LETM1: variants seen among roughly 807,000 people sequenced by gnomAD.
LETM1 encodes the protein mitochondrial proton/calcium exchanger protein.
Under a neutral mutation model 74.5 loss-of-function variants are expected in LETM1, and 50 were observed. The ratio of observed to expected loss-of-function variants is 0.67; its 90% CI spans 0.53 to 0.85. The LOEUF is 0.85. LETM1 is among the 40% of genes least tolerant of loss of function. The pLI is 0.00. For synonymous variants in LETM1, 446 were observed against 407.1 expected (o/e 1.10, Z -1.15); for missense variants, 824 against 967.8 (o/e 0.85, Z 1.97).
chr4:1,854,713 A>C (rs1713180919), intron 1 of LETM1, among the ~76,000 whole-genome samples: 1 of 152,086 alleles, frequency 6.6e-6, no homozygotes, highest in Non-Finnish European at 1.5e-5. Flanking sequence ...GAATCACTTG[A>C]ACCCAGGAGG....
At chr4:1,841,882 C>T in intron 2 of LETM1, 85 bp from the exon 3 acceptor site, 1 of 944,442 alleles carries the variant, frequency 1.1e-6, no homozygotes, top group Non-Finnish European at 1.6e-6. Flanking sequence ...AGCAGCAAAA[C>T]CCACATGCCC....
intron 10 of LETM1, among the ~76,000 whole-genome samples, chr4:1,820,573 TG>T (rs1225962697): frequency 1.3e-5 from 2 of 152,248 alleles, no homozygotes; most frequent in African/African-American, 4.8e-5. Context: ...GAGGTGTTTC[TG>T]CAGATGCTTT....
intron 2 of LETM1, among the ~76,000 whole-genome samples, chr4:1,847,670 C>T (rs575932427): frequency 3.6e-4 from 55 of 151,896 alleles, no homozygotes; most frequent in Non-Finnish European, 6.5e-4. Context: ...ACTAAAAATG[C>T]AAAAATTAGC....
At chr4:1,818,552 G>A (rs1296432239) in intron 11 of LETM1, among the ~76,000 whole-genome samples, 2 of 152,036 alleles carry the variant, frequency 1.3e-5, no homozygotes, top group African/African-American at 2.4e-5. Context: ...GGCGGAAGTT[G>A]CAGTGAGTCG....
rs1712466021 is a variant in LETM1 at position 1,836,483 on chromosome 4, A to G, written c.684T>C (p.Ala228=). The G allele has an allele frequency of 6.2e-7, 1 of 1,614,098 alleles. No individual in the cohort carries two copies. The highest frequency in any genetic ancestry group is 1.1e-5 in the South Asian group (1 of 91,080). The change falls in exon 4 of 14, where the codon GCT becomes GCC. Residue 228 remains alanine (A), a synonymous_variant. Coordinates refer to ENST00000302787, the MANE Select transcript of LETM1 (RefSeq NM_012318.3). This position sits in a 1 kb window ranked among gnomAD's most constrained non-coding sequence, Gnocchi z 5.8. ...VPFMEFLLPV[A]VKLFPNMLPS... ...GCAACATGTTGGGGAAGAGCTTCAC[A>G]GCAACAGGCAGCAGAAACTCCATGA...
At chr4:1,853,524 A>G (rs1713139847) in intron 1 of LETM1, among the ~76,000 whole-genome samples, 1 of 152,166 alleles carries the variant, frequency 6.6e-6, no homozygotes, top group African/African-American at 2.4e-5. Flanking sequence ...AAGAAATACC[A>G]GTAGAGCAGC....
chr4:1,851,365 G>A (rs1160834381), intron 1 of LETM1, among the ~76,000 whole-genome samples: 4 of 152,134 alleles, frequency 2.6e-5, no homozygotes, highest in African/African-American at 9.7e-5. Context: ...AGCCGGCAAC[G>A]AGAGCCACCG....
intron 1 of LETM1, among the ~76,000 whole-genome samples, chr4:1,853,636 G>A (rs1266736041): frequency 6.6e-6 from 1 of 152,192 alleles, no homozygotes; most frequent in Admixed American, 6.5e-5. Flanking sequence ...GATGGGTCCT[G>A]GGACAGAAAA....
chr4:1,844,360 G>A (rs1286005758), intron 2 of LETM1, among the ~76,000 whole-genome samples: 1 of 152,226 alleles, frequency 6.6e-6, no homozygotes, highest in African/African-American at 2.4e-5. Flanking sequence ...CAAAGTCTGG[G>A]TGCTGCTTCT....
In LETM1 at chr4:1,836,905, G is replaced by C. The variant is rs1452154770; in HGVS notation, c.595-333C>G. On this transcript the variant is annotated intron_variant, in intron 3 of 13. Transcript: ENST00000302787. The surrounding 1 kb of genome is among the most constrained non-coding windows in gnomAD (Gnocchi z 5.8). ...CAGCAAGTGAGGGCTGCAGGCTGAGGACTGGGCATTACTAGCGTGGTGGAG... is the reference window on the plus strand; with the variant it reads ...CAGCAAGTGAGGGCTGCAGGCTGAGCACTGGGCATTACTAGCGTGGTGGAG... Among the ~76,000 whole-genome samples the C allele has an allele frequency of 6.6e-6, 1 of 152,138 alleles. No homozygotes were observed. Among genetic ancestry groups the C allele is most frequent in the Non-Finnish European group, 1.5e-5 (1 of 68,028 alleles).
chr4:1,822,242 G>C lies in LETM1; in HGVS notation c.1547C>G (p.Pro516Arg), dbSNP rs1356231763. 1.9e-6 allele frequency: 3 copies of C among 1,548,286 alleles called. No individual in the cohort carries two copies. Among genetic ancestry groups the C allele is most frequent in the Non-Finnish European group, 2.6e-6 (3 of 1,140,522 alleles). ...GGTCTCTGACTGCAGGACTGTGTCA[G>C]GCATTTCTGGCTGTGGCTCGGTCCC... ...RPGTEPQPEM[P>R]DTVLQSETLK... Residue 516 changes from proline (P) to arginine (R), a missense_variant, in exon 10 of 14, where the codon CCT becomes CGT. Pro to Arg is a moderately radical substitution (Grantham distance 103). Around this residue, in one of 4 missense-constraint regions of LETM1, gnomAD observed 172 missense variants for 170.7 expected, o/e 1.01. Coordinates refer to ENST00000302787, the MANE Select transcript of LETM1 (RefSeq NM_012318.3).
At chr4:1,827,792 T>A (rs1186601534) in intron 6 of LETM1, among the ~76,000 whole-genome samples, 1 of 150,420 alleles carries the variant, frequency 6.6e-6, no homozygotes, top group Non-Finnish European at 1.5e-5. Context: ...CCGTTCTCAA[T>A]GAGCTGTTGG....
intron 2 of LETM1, among the ~76,000 whole-genome samples, chr4:1,842,047 C>T (rs1577324283): frequency 6.6e-6 from 1 of 152,296 alleles, no homozygotes; most frequent in East Asian, 1.9e-4. Flanking sequence ...GCGATCCCCA[C>T]AGAAAGGCAG....
chr4:1,840,812 C>T lies in LETM1; in HGVS notation c.594+535G>A, dbSNP rs75707306. On this transcript the variant is annotated intron_variant, in intron 3 of 13. Coordinates refer to ENST00000302787, the MANE Select transcript of LETM1 (RefSeq NM_012318.3). ...AGACTGGTAGGGGGCACCTTGGGGA[C>T]AGAGCCCTCACCCTGTGGGATCTGA... is the stretch of plus-strand genomic sequence containing the variant. 6.9e-3 allele frequency among the ~76,000 whole-genome samples: 1,044 copies of T among 152,076 alleles called. 13 individuals are homozygous for T. Among genetic ancestry groups the T allele is most frequent in the African/African-American group, 0.024 (998 of 41,496 alleles).
chr4:1,855,846 G>A, intron 1 of LETM1, 23 bp downstream of exon 1: 1 of 1,211,686 alleles, frequency 8.3e-7, no homozygotes. Context: ...AGCCGGCCCC[G>A]CCCTGGGGTG....
At chr4:1,843,973 G>A (rs527866000) in intron 2 of LETM1, among the ~76,000 whole-genome samples, 31 of 152,272 alleles carry the variant, frequency 2.0e-4, no homozygotes, top group African/African-American at 7.2e-4. Context: ...CCCACACATG[G>A]GAATACACCT....
intron 3 of LETM1, among the ~76,000 whole-genome samples, chr4:1,837,850 G>A (rs1329013401): frequency 2.0e-5 from 3 of 151,460 alleles, no homozygotes; most frequent in Non-Finnish European, 4.4e-5. Flanking sequence ...TTACAGACAT[G>A]CGCCACCACG....
intron 7 of LETM1, among the ~76,000 whole-genome samples, 157 bp downstream of exon 7, chr4:1,825,407 C>T (rs903764764): frequency 1.3e-5 from 2 of 152,210 alleles, no homozygotes; most frequent in Non-Finnish European, 2.9e-5. Context: ...AGCAGAAGGG[C>T]GAGAAACAGC....
chr4:1,833,261 G>T, intron 5 of LETM1: 1 of 352,148 alleles, frequency 2.8e-6, no homozygotes, highest in Non-Finnish European at 5.4e-6. Context: ...GTAGAGATGG[G>T]ATTTCACTAT....
Sources: gnomAD v4.1 joint callset for allele counts (sites outside exome capture counted in the v4.1 genomes callset) on GRCh38, gnomAD v4.1.1 for gene constraint, gnomAD v4.1.1 regional missense constraint, Gnocchi (gnomAD v3.1) non-coding constraint, MANE v1.5 for transcripts, NCBI Gene and HGNC (gene_info 2026-07-23, HGNC 2026-07-21) for gene names.